The following HVCN1 variants were observed in gnomAD, a reference collection of about 807,000 sequenced individuals.
HVCN1 encodes the protein voltage-gated hydrogen channel 1.
Under a neutral mutation model 29.2 loss-of-function variants are expected in HVCN1, and 14 were observed. The ratio of observed to expected loss-of-function variants is 0.48; its 90% CI spans 0.32 to 0.75. HVCN1 has a LOEUF of 0.75. Ranked by LOEUF, HVCN1 falls within the 30% of genes least tolerant of loss-of-function variation. The pLI is 0.04. For missense variants in HVCN1, 263 were observed against 341.8 expected, an observed-to-expected ratio of 0.77 and a Z score of 1.82; for synonymous variants, 131 against 133.2, an observed-to-expected ratio of 0.98 and a Z score of 0.11.
intron 3 of HVCN1, among the ~76,000 whole-genome samples, chr12:110,669,548 CA>C (rs1264136216): frequency 1.3e-5 from 2 of 152,192 alleles, no homozygotes; most frequent in African/African-American, 4.8e-5. Context: ...CTCTTGCTTC[CA>C]GGACTCCGCA....
At chr12:110,685,721 ACT>A (rs1431200570) in intron 2 of HVCN1, among the ~76,000 whole-genome samples, 1 of 150,648 alleles carries the variant, frequency 6.6e-6, no homozygotes, top group Non-Finnish European at 1.5e-5. Flanking sequence ...TTGGGGTCTC[ACT>A]CTGTCACCCT....
intron 7 of HVCN1, 87 bp from the exon 8 acceptor site, chr12:110,649,562 G>A (rs1024723393): frequency 2.0e-5 from 19 of 931,458 alleles, no homozygotes; most frequent in Non-Finnish European, 1.7e-6. Flanking sequence ...CCCAGGCACA[G>A]GACCACAGAG....
chr12:110,699,097 C>T (rs1047418815), intron 2 of HVCN1, among the ~76,000 whole-genome samples: 3 of 152,232 alleles, frequency 2.0e-5, no homozygotes, highest in African/African-American at 7.2e-5. Flanking sequence ...CACTGCACTC[C>T]AGCCTGAGCA....
At chr12:110,655,925 G>A (rs776226709) in intron 4 of HVCN1, among the ~76,000 whole-genome samples, 2 of 152,042 alleles carry the variant, frequency 1.3e-5, no homozygotes, top group Admixed American at 1.3e-4. Flanking sequence ...GGCTGGTCTC[G>A]AGCTCCTAAC....
intron 5 of HVCN1, among the ~76,000 whole-genome samples, chr12:110,653,172 C>T (rs1314379102): frequency 3.3e-5 from 5 of 152,086 alleles, no homozygotes; most frequent in Non-Finnish European, 7.4e-5. Flanking sequence ...TAAGAAAGCC[C>T]AGGGAGGCCG....
intron 5 of HVCN1, among the ~76,000 whole-genome samples, chr12:110,652,628 TAAA>T (rs2067849314): frequency 6.6e-6 from 1 of 152,050 alleles, no homozygotes; most frequent in African/African-American, 2.4e-5. Flanking sequence ...ACACAGTGAA[TAAA>T]AAAATTCACA....
chr12:110,650,045 A>G (rs749257029), intron 7 of HVCN1, 123 bp downstream of exon 7: 2 of 623,866 alleles, frequency 3.2e-6, no homozygotes, highest in African/African-American at 3.7e-5. Flanking sequence ...GGGTTTCTCC[A>G]TGTTGGTCAG....
At chr12:110,657,504 A>G (rs1458671676) in intron 4 of HVCN1, among the ~76,000 whole-genome samples, 4 of 149,014 alleles carry the variant, frequency 2.7e-5, no homozygotes, top group African/African-American at 1.0e-4. Context: ...TCAAAAAGAA[A>G]AAAGAAAAAA....
intron 2 of HVCN1, among the ~76,000 whole-genome samples, chr12:110,698,622 T>G (rs2069528778): frequency 6.6e-6 from 1 of 152,180 alleles, no homozygotes; most frequent in African/African-American, 2.4e-5. Context: ...GGTCATGTGA[T>G]CATCAAATGC....
intron 4 of HVCN1, among the ~76,000 whole-genome samples, chr12:110,657,959 C>T (rs1274761608): frequency 1.3e-5 from 2 of 152,198 alleles, no homozygotes; most frequent in South Asian, 2.1e-4. Context: ...GAAGCTTCAG[C>T]GTCCTCTCGG....
chr12:110,700,411 C>G (rs2069552869), intron 2 of HVCN1, among the ~76,000 whole-genome samples: 1 of 152,080 alleles, frequency 6.6e-6, no homozygotes, highest in South Asian at 2.1e-4. Flanking sequence ...TAAGCTGGGT[C>G]TCCTGGGCTA....
At chr12:110,660,451 C>T (rs1446658265) in intron 4 of HVCN1, among the ~76,000 whole-genome samples, 1 of 152,244 alleles carries the variant, frequency 6.6e-6, no homozygotes, top group East Asian at 1.9e-4. Flanking sequence ...CTGAGGCCCC[C>T]AGCGTGATGG....
rs572342262 is a variant in HVCN1, at chr12:110,651,184, T to C, written c.643+33A>G. 1.4e-5 allele frequency: 21 copies of C among 1,513,106 alleles called. 1 individual carries two copies. The African/African-American group carries it at 2.2e-4, about 16-fold the overall frequency. 93.7% of individuals were successfully genotyped at this position (1,513,106 alleles called of 1,614,324 possible). On this transcript the variant is annotated intron_variant, in intron 6 of 7. Transcript: ENST00000242607. ...TGGATGTATGCCTGGGCCCCTACTCTCCATCCACAGCCTGGGAGTGCAGGA... is the reference window on the plus strand; with the variant it reads ...TGGATGTATGCCTGGGCCCCTACTCCCCATCCACAGCCTGGGAGTGCAGGA...
At chr12:110,672,009 T>C (rs2136362701) in intron 3 of HVCN1, among the ~76,000 whole-genome samples, 1 of 152,234 alleles carries the variant, frequency 6.6e-6, no homozygotes, top group South Asian at 2.1e-4. Flanking sequence ...TGTAAATGGG[T>C]GTATTCTTCC....
In HVCN1 at chr12:110,654,491, T is replaced by C. The variant is rs562181228; in HGVS notation, c.411+743A>G. Among the ~76,000 whole-genome samples, 205 of 147,042 alleles carry C rather than the reference T, an allele frequency of 1.4e-3. 2 individuals are homozygous for C. Among genetic ancestry groups the C allele is most frequent in the African/African-American group, 4.4e-3 (171 of 39,204 alleles). On this transcript the variant is annotated intron_variant, in intron 5 of 7. Coordinates refer to ENST00000242607, the MANE Select transcript of HVCN1 (RefSeq NM_032369.4). ...AAATGCTTTTTTTTTTTTTTTTTTT[T>C]CCTGGAGACGGAGTTTTGCTCTTGT...
chr12:110,678,935 C>T (rs1208619682), intron 3 of HVCN1, among the ~76,000 whole-genome samples: 2 of 152,088 alleles, frequency 1.3e-5, no homozygotes, highest in African/African-American at 4.8e-5. Flanking sequence ...AGGGGCTGTG[C>T]TATTTGTTTT....
At chr12:110,654,129 A>T (rs1480429548) in intron 5 of HVCN1, among the ~76,000 whole-genome samples, 1 of 152,058 alleles carries the variant, frequency 6.6e-6, no homozygotes, top group African/African-American at 2.4e-5. Context: ...ATGTTAATGG[A>T]TTCTATTAAA....
rs1335725459 is a variant in HVCN1, at chr12:110,658,649, C to T, written c.306+2515G>A. On this transcript the variant is annotated intron_variant, in intron 4 of 7. Coordinates refer to ENST00000242607, the MANE Select transcript of HVCN1 (RefSeq NM_032369.4). This position sits in a 1 kb window ranked among gnomAD's most constrained non-coding sequence, Gnocchi z 5.0. ...AGTCCCTGATCAGGTCCCCCCACCC[C>T]CAGGACCTCTCAGAGCCCCCCTCCT... Among the ~76,000 whole-genome samples the T allele has an allele frequency of 6.6e-6, 1 of 152,102 alleles. No homozygotes were observed. The highest frequency in any genetic ancestry group is 1.5e-5 in the Non-Finnish European group (1 of 68,020).
chr12:110,679,859 C>CAA (rs370385245), intron 3 of HVCN1, among the ~76,000 whole-genome samples: 108 of 88,224 alleles, frequency 1.2e-3, no homozygotes, highest in African/African-American at 3.8e-3. Context: ...GACTCCGTCT[C>CAA]AAAAAAAAAA....
Sources: allele counts gnomAD v4.1 joint callset (sites outside exome capture counted in the v4.1 genomes callset), GRCh38; gene constraint gnomAD v4.1.1; non-coding constraint Gnocchi (gnomAD v3.1); transcripts MANE v1.5; gene names NCBI Gene and HGNC (gene_info 2026-07-23, HGNC 2026-07-21).